Variants in SETBP1 observed in about 807,000 individuals in gnomAD.
The protein encoded by SETBP1 is SET-binding protein.
In SETBP1, 9 loss-of-function variants were observed where a neutral mutation model predicts 101.0. The ratio of observed to expected loss-of-function variants is 0.09; its 90% CI spans 0.05 to 0.16. The LOEUF is 0.16. Among genes scored for constraint, SETBP1 ranks in the 10% least tolerant of loss-of-function variants. The pLI, the probability that SETBP1 is intolerant of heterozygous loss-of-function variation, is 1.00. For missense variants in SETBP1, 1,858 were observed against 2,033.8 expected (o/e 0.91, Z 1.66); for synonymous variants, 818 against 788.5 (o/e 1.04, Z -0.63).
chr18:44,842,588 G>A (rs1440112616), intron 2 of SETBP1, among the ~76,000 whole-genome samples: 3 of 152,174 alleles, frequency 2.0e-5, no homozygotes, highest in Non-Finnish European at 4.4e-5. Flanking sequence ...ATTCCATCAT[G>A]TGTGAGCCAA....
intron 4 of SETBP1, among the ~76,000 whole-genome samples, chr18:45,026,975 G>A (rs1265177172): frequency 6.6e-6 from 1 of 152,142 alleles, no homozygotes; most frequent in Non-Finnish European, 1.5e-5. Flanking sequence ...AGAATCTGAT[G>A]TTGGAGATGC....
At chr18:45,026,203 C>A (rs1031433427) in intron 4 of SETBP1, among the ~76,000 whole-genome samples, 3 of 152,166 alleles carry the variant, frequency 2.0e-5, no homozygotes, top group South Asian at 2.1e-4. Flanking sequence ...TCACATCTGG[C>A]ATTTTTGGCT....
chr18:44,927,543 T>A (rs1259712354), intron 3 of SETBP1, among the ~76,000 whole-genome samples: 1 of 152,200 alleles, frequency 6.6e-6, no homozygotes, highest in Admixed American at 6.5e-5. Context: ...ATGAACAATC[T>A]TAAGGTATCT....
At chr18:44,820,389 C>T (rs2072086351) in intron 2 of SETBP1, among the ~76,000 whole-genome samples, 1 of 152,144 alleles carries the variant, frequency 6.6e-6, no homozygotes, top group South Asian at 2.1e-4. Flanking sequence ...ACTTTCCTGG[C>T]CATCAAATGC....
intron 2 of SETBP1, among the ~76,000 whole-genome samples, chr18:44,866,770 TA>T (rs1423335456): frequency 1.3e-5 from 2 of 152,336 alleles, no homozygotes; most frequent in East Asian, 1.9e-4. Context: ...ATACGAATCT[TA>T]TGCCCAGCTC....
At chr18:44,877,465 A>G in intron 3 of SETBP1, 1 of 776,152 alleles carries the variant, frequency 1.3e-6, no homozygotes, top group Non-Finnish European at 1.6e-6. Flanking sequence ...TATTTGTAAT[A>G]GGAATAATGT....
chr18:44,801,377 G>C (rs983604546), intron 2 of SETBP1, among the ~76,000 whole-genome samples: 1 of 152,184 alleles, frequency 6.6e-6, no homozygotes, highest in Admixed American at 6.5e-5. Flanking sequence ...GCTTGAGTGA[G>C]GGTTGAGGAT....
intron 2 of SETBP1, among the ~76,000 whole-genome samples, chr18:44,748,641 T>A (rs925701823): frequency 2.0e-5 from 3 of 151,926 alleles, no homozygotes; most frequent in African/African-American, 7.3e-5. Context: ...GCAGGCACCA[T>A]GTGCGTGCTT....
At chr18:44,938,100 C>T (rs2071003802) in intron 3 of SETBP1, among the ~76,000 whole-genome samples, 1 of 152,098 alleles carries the variant, frequency 6.6e-6, no homozygotes, top group African/African-American at 2.4e-5. Context: ...GGTGAGGGGG[C>T]AGACACCATG....
intron 3 of SETBP1, among the ~76,000 whole-genome samples, chr18:44,947,492 CTTTTTTT>C (rs58509226): frequency 2.6e-5 from 3 of 114,210 alleles, no homozygotes; most frequent in African/African-American, 6.9e-5. Context: ...GTTTGTCCCA[CTTTTTTT>C]TTTTTTTTTT....
intron 3 of SETBP1, among the ~76,000 whole-genome samples, chr18:44,886,573 A>G (rs1335249216): frequency 6.6e-6 from 1 of 152,034 alleles, no homozygotes; most frequent in Non-Finnish European, 1.5e-5. Flanking sequence ...AGCAATGTTT[A>G]AAATTTCTAG....
At position 44,950,216 on chromosome 18, in the gene SETBP1, C is replaced by A. The variant is rs762805781; in HGVS notation, c.876C>A (p.Ser292=). The part of the protein sequence containing the change: ...KDLLLGGVAP[S]PSSHSSPAPP... ...TGCTCTTGGGAGGTGTGGCTCCATC[C>A]CCAAGCAGCCACAGCTCACCAGCCC... Residue 292 remains serine (S), a synonymous_variant, in exon 4 of 6, where the codon TCC becomes TCA. Coordinates refer to ENST00000649279, the MANE Select transcript of SETBP1 (RefSeq NM_015559.3). The A allele has an allele frequency of 3.7e-6, 6 of 1,613,756 alleles. No homozygotes were observed. The South Asian group carries it at 5.5e-5, about 15-fold the overall frequency.
intron 4 of SETBP1, among the ~76,000 whole-genome samples, chr18:45,020,171 G>A (rs1288518686): frequency 2.1e-5 from 3 of 145,208 alleles, no homozygotes; most frequent in South Asian, 2.2e-4. Context: ...GCTTCTCCTC[G>A]ATCCCTTGAA....
At chr18:44,829,195 T>C (rs2072304601) in intron 2 of SETBP1, among the ~76,000 whole-genome samples, 1 of 152,032 alleles carries the variant, frequency 6.6e-6, no homozygotes, top group South Asian at 2.1e-4. Context: ...GTGGGTTTTC[T>C]GAATCCGCAG....
At chr18:44,735,888 A>G (rs1027188009) in intron 2 of SETBP1, among the ~76,000 whole-genome samples, 3 of 152,232 alleles carry the variant, frequency 2.0e-5, no homozygotes, top group Non-Finnish European at 4.4e-5. Context: ...CCTTTTTCAT[A>G]AAACATCTGG....
intron 4 of SETBP1, among the ~76,000 whole-genome samples, chr18:44,957,382 T>TAA (rs35744138): frequency 1.3e-5 from 2 of 149,028 alleles, no homozygotes; most frequent in African/African-American, 4.9e-5. Context: ...ATCAGATAAT[T>TAA]AAAAAAAAAA....
intron 4 of SETBP1, among the ~76,000 whole-genome samples, chr18:45,036,884 G>A (rs964714098): frequency 6.6e-6 from 1 of 152,164 alleles, no homozygotes; most frequent in Non-Finnish European, 1.5e-5. Flanking sequence ...GTCATCCCTG[G>A]GTTTAGTGTC....
chr18:45,008,799 T>C (rs982061051), intron 4 of SETBP1, among the ~76,000 whole-genome samples: 2 of 152,110 alleles, frequency 1.3e-5, no homozygotes, highest in African/African-American at 2.4e-5. Flanking sequence ...GGATTAGTGG[T>C]TAGCACTGAG....
chr18:44,928,290 T>G (rs1236007588), intron 3 of SETBP1, among the ~76,000 whole-genome samples: 1 of 152,250 alleles, frequency 6.6e-6, no homozygotes, highest in African/African-American at 2.4e-5. Flanking sequence ...TAGTATTCCA[T>G]GGTGTATATG....
Sources: allele counts gnomAD v4.1 joint callset (sites outside exome capture counted in the v4.1 genomes callset), GRCh38; gene constraint gnomAD v4.1.1; transcripts MANE v1.5; gene names NCBI Gene and HGNC (gene_info 2026-07-23, HGNC 2026-07-21).